REG1A: variants seen among roughly 807,000 people sequenced by gnomAD.
REG1A encodes regenerating family member 1 alpha, also known as lithostathine-1-alpha.
REG1A carries 20 observed loss-of-function variants against 20.7 expected under a neutral mutation model. The ratio of observed to expected loss-of-function variants is 0.97; its 90% CI spans 0.68 to 1.41. The LOEUF is 1.41. Among genes scored for constraint, REG1A ranks in the 40% most tolerant of loss-of-function variants. The pLI is 0.00. For synonymous variants in REG1A, 90 were observed against 71.6 expected (o/e 1.26, Z -1.30); for missense variants, 193 against 201.8 (o/e 0.96, Z 0.26).
At chr2:79,122,290 A>G (rs559830409) in intron 4 of REG1A, 165 bp downstream of exon 4, 1 of 656,524 alleles carries the variant, frequency 1.5e-6, no homozygotes, top group Non-Finnish European at 2.5e-6. Context: ...ATGATTGGAG[A>G]TATAAGTGGA....
Position 79,123,148 on chromosome 2 carries a change from G to C in REG1A, c.434G>C (p.Gly145Ala). The C allele has an allele frequency of 6.2e-7, 1 of 1,611,804 alleles. No individual in the cohort carries two copies. Among genetic ancestry groups the C allele is most frequent in the Non-Finnish European group, 8.5e-7 (1 of 1,178,534 alleles). Residue 145 changes from glycine to alanine, a missense_variant and splice_region_variant, in exon 6 of 6, where the codon GGA becomes GCA. Coordinates refer to ENST00000233735, the MANE Select transcript of REG1A (RefSeq NM_002909.5). The stretch of plus-strand genomic sequence containing the variant: ...TGTAACTCTTCTCATTGACTTATAG[G>C]ATTCCAGAAATGGAAGGATGTGCCT... ...GYCVSLTSST[G>A]FQKWKDVPCE...
chr2:79,121,507 C>T (rs1672885466), intron 2 of REG1A, 55 bp from the exon 3 acceptor site: 2 of 1,448,052 alleles, frequency 1.4e-6, no homozygotes. Context: ...CTTACCTCAC[C>T]TTCAAGCCTT....
In REG1A at chr2:79,120,848, C is replaced by A. The variant is rs1421593923; in HGVS notation, c.-14C>A. On this transcript the variant is annotated 5_prime_UTR_variant, in exon 2 of 6. Transcript: ENST00000233735. ...TGATTTGCCTCTTAAGCAAGAGATT[C>A]ATTGCAGCTCAGCATGGCTCAGACC... The A allele has an allele frequency of 1.9e-6, 3 of 1,594,844 alleles. No individual in the cohort carries two copies. Among genetic ancestry groups the A allele is most frequent in the South Asian group, 2.2e-5 (2 of 89,072 alleles).
intron 2 of REG1A, 68 bp downstream of exon 2, chr2:79,120,993 G>A (rs1478508476): frequency 2.9e-5 from 35 of 1,226,452 alleles, no homozygotes; most frequent in African/African-American, 1.2e-4. Flanking sequence ...CCAAGCATAC[G>A]GGTCTACTTG....
Position 79,123,279 on chromosome 2 carries a change from C to A in REG1A, c.*64C>A. 1 of 1,041,136 alleles carries A rather than the reference C, an allele frequency of 9.6e-7. No homozygotes were observed. Among genetic ancestry groups the A allele is most frequent in the Admixed American group, 2.0e-5 (1 of 50,740 alleles). The allele number at this position is 1,041,136 out of a possible 1,614,324, so 64.5% of individuals were successfully genotyped here. A position where few individuals can be genotyped will look rare whatever the true frequency, so the allele number is the denominator to read the frequency against. ...ATTACAACGGAGTCAAAAATTAAAC[C>A]GGACCATCTCTCCAACTCAACTCAA... On this transcript the variant is annotated 3_prime_UTR_variant, in exon 6 of 6. Transcript: ENST00000233735.
chr2:79,121,707 G>A (rs756187699), intron 3 of REG1A, 27 bp downstream of exon 3: 2 of 1,601,960 alleles, frequency 1.2e-6, no homozygotes, highest in South Asian at 1.1e-5. Context: ...GTGTGGGAAG[G>A]GAGACTCATG....
rs751916839 is a variant in REG1A at position 79,122,029 on chromosome 2, G to A, written c.225G>A (p.Val75=). 6.2e-7 allele frequency: 1 copy of A among 1,614,070 alleles called. No individual in the cohort carries two copies. The highest frequency in any genetic ancestry group is 2.2e-5 in the East Asian group (1 of 44,872). ...TGAATTCGGGCAACCTGGTGTCTGT[G>A]CTCACCCAGGCCGAGGGTGCCTTTG... ...QNMNSGNLVS[V]LTQAEGAFVA... The change falls in exon 4 of 6, where the codon GTG becomes GTA. Residue 75 remains valine, a synonymous_variant. Transcript: ENST00000233735.
Position 79,121,985 on chromosome 2 carries a change from C to T in REG1A, c.184-3C>T, listed in dbSNP as rs761598248. 2 of 1,613,502 alleles carry T rather than the reference C, an allele frequency of 1.2e-6. No homozygotes were observed. Among genetic ancestry groups the T allele is most frequent in the East Asian group, 2.2e-5 (1 of 44,880 alleles). On this transcript the variant is annotated splice_region_variant and splice_polypyrimidine_tract_variant and intron_variant, in intron 3 of 5. Transcript: ENST00000233735. ...CTGAGTGCTCCATTTTCTTCTGCAA[C>T]AGCTCTATTGCCAGAACATGAATTC...
chr2:79,123,021 C>G (rs1672910096), intron 5 of REG1A, 69 bp downstream of exon 5: 2 of 1,486,404 alleles, frequency 1.3e-6, no homozygotes, highest in Non-Finnish European at 1.9e-6. Context: ...GGAACTGGGA[C>G]TGGGATAGAG....
chr2:79,121,018 A>AG, intron 2 of REG1A, 93 bp downstream of exon 2: 13 of 812,464 alleles, frequency 1.6e-5, no homozygotes, highest in Non-Finnish European at 1.8e-5. Flanking sequence ...AAAAAAAAAA[A>AG]GCAGAGTCAC....
intron 5 of REG1A, 65 bp downstream of exon 5, chr2:79,123,017 G>A: frequency 6.7e-7 from 1 of 1,488,444 alleles, no homozygotes; most frequent in Non-Finnish European, 9.4e-7. Context: ...GGATGGAACT[G>A]GGACTGGGAT....
chr2:79,121,762 A>G lies in REG1A; in HGVS notation c.183+82A>G, dbSNP rs13399069. On this transcript the variant is annotated intron_variant, in intron 3 of 5. Transcript: ENST00000233735. ...CTCTCCAGTGTGTTCAGTGGCTGCA[A>G]TGAGATGAGACTGAACCCCTTGCTA... is the stretch of plus-strand genomic sequence containing the variant. 5,269 of 1,403,982 alleles carry G rather than the reference A, an allele frequency of 3.8e-3. 172 individuals are homozygous for G. The African/African-American group carries it at 0.063, about 17-fold the overall frequency. 87.0% of individuals were successfully genotyped at this position (1,403,982 alleles called of 1,614,324 possible).
chr2:79,123,247 T>G lies in REG1A; in HGVS notation c.*32T>G, dbSNP rs773846737. On this transcript the variant is annotated 3_prime_UTR_variant, in exon 6 of 6. Coordinates refer to ENST00000233735, the MANE Select transcript of REG1A (RefSeq NM_002909.5). ...CTGGAAAATACATGTCTAGAACTGA[T>G]CCAGCAATTACAACGGAGTCAAAAA... is the stretch of plus-strand genomic sequence containing the variant. 4 of 1,418,360 alleles carry G rather than the reference T, an allele frequency of 2.8e-6. No individual in the cohort carries two copies. The Admixed American group carries it at 7.3e-5, about 26-fold the overall frequency. 87.9% of individuals were successfully genotyped at this position (1,418,360 alleles called of 1,614,324 possible).
chr2:79,120,617 A>G, intron 1 of REG1A, 103 bp downstream of exon 1: 1 of 389,458 alleles, frequency 2.6e-6, no homozygotes, highest in East Asian at 3.7e-5. Flanking sequence ...TTTTAGCTGT[A>G]ATGAAGCCTC....
chr2:79,123,014 A>C (rs1672910024), intron 5 of REG1A, 62 bp downstream of exon 5: 1 of 1,483,494 alleles, frequency 6.7e-7, no homozygotes, highest in Non-Finnish European at 9.4e-7. Flanking sequence ...CAGGGATGGA[A>C]CTGGGACTGG....
At chr2:79,121,892 C>A in intron 3 of REG1A, 96 bp from the exon 4 acceptor site, 2 of 1,510,940 alleles carry the variant, frequency 1.3e-6, no homozygotes, top group Non-Finnish European at 1.8e-6. Context: ...ACGGACATTA[C>A]TCTGCTGTCC....
intron 1 of REG1A, 62 bp from the exon 2 acceptor site, chr2:79,120,754 G>A: frequency 1.3e-6 from 1 of 757,208 alleles, no homozygotes; most frequent in Non-Finnish European, 2.0e-6. Context: ...GAGGTTTTAA[G>A]GAAGGTAATA....
At chr2:79,123,060 G>A (rs3739142) in intron 5 of REG1A, 88 bp from the exon 6 acceptor site, 556,294 of 1,423,340 alleles carry the variant, frequency 0.39, 113,335 homozygotes, top group East Asian at 0.41. Context: ...TAAGGAAATG[G>A]ATGTTTGGTT....
intron 1 of REG1A, 109 bp downstream of exon 1, chr2:79,120,623 G>A (rs1672869123): frequency 5.1e-6 from 2 of 389,174 alleles, no homozygotes; most frequent in Admixed American, 8.8e-5. Context: ...CTGTAATGAA[G>A]CCTCAGTGGG....
Sources: gnomAD v4.1 joint callset for allele counts on GRCh38, gnomAD v4.1.1 for gene constraint, MANE v1.5 for transcripts, NCBI Gene and HGNC (gene_info 2026-07-23, HGNC 2026-07-21) for gene names.